SCAP: variants seen among roughly 807,000 people sequenced by gnomAD.
SCAP encodes SREBF chaperone.
Under a neutral mutation model 123.6 loss-of-function variants are expected in SCAP, and 65 were observed. The ratio of observed to expected loss-of-function variants is 0.53; its 90% confidence interval spans 0.43 to 0.65. SCAP has a LOEUF of 0.65. Among genes scored for constraint, SCAP ranks in the 30% least tolerant of loss-of-function variants. The pLI is 0.00. For missense variants in SCAP, 1,398 were observed against 1,712.5 expected (o/e 0.82, Z 3.24); for synonymous variants, 740 against 726.3 (o/e 1.02, Z -0.30).
intron 7 of SCAP, among the ~76,000 whole-genome samples, 173 bp from the exon 8 acceptor site, chr3:47,425,784 G>T (rs910828705): frequency 6.6e-6 from 1 of 152,218 alleles, no homozygotes; most frequent in African/African-American, 2.4e-5. Flanking sequence ...CACCTTTTAG[G>T]AACCCTAACC....
chr3:47,477,103 A>C (rs917525911), upstream of SCAP: 7 of 152,342 alleles, frequency 4.6e-5, no homozygotes, highest in Non-Finnish European at 7.3e-5. Context: ...ACCTCCTCCT[A>C]AAACCCAGTT....
At chr3:47,429,182 C>T (rs1706262117) in intron 3 of SCAP, among the ~76,000 whole-genome samples, 1 of 152,232 alleles carries the variant, frequency 6.6e-6, no homozygotes, top group Admixed American at 6.5e-5. Context: ...ACTCCGGTCT[C>T]CTAGGGAGTC....
At chr3:47,415,760 CTT>C (rs374000283) in intron 18 of SCAP, among the ~76,000 whole-genome samples, 1 of 152,170 alleles carries the variant, frequency 6.6e-6, no homozygotes, top group African/African-American at 2.4e-5. Context: ...GGTTCAAAAT[CTT>C]ACTGCAGGGA....
In SCAP at chr3:47,429,335, G is replaced by A. The variant is rs544280912; in HGVS notation, c.253-665C>T. Among the ~76,000 whole-genome samples the A allele has an allele frequency of 2.0e-5, 3 of 152,354 alleles. No homozygotes were observed. The East Asian group carries it at 5.8e-4, about 29-fold the overall frequency. On this transcript the variant is annotated intron_variant, in intron 3 of 22. Coordinates refer to ENST00000265565, the MANE Select transcript of SCAP (RefSeq NM_012235.4). ...GTGGGACCAGGTGTAGGCAAACGAT[G>A]GCCTGTAGGCCAAATCAGGGCCCAT...
intron 10 of SCAP, 128 bp from the exon 11 acceptor site, chr3:47,421,157 G>A (rs1431545900): frequency 4.1e-6 from 3 of 735,292 alleles, no homozygotes; most frequent in East Asian, 2.5e-5. Flanking sequence ...CAGCAGAGAT[G>A]AGAGATGCTG....
rs34363569 is a variant in SCAP, at chr3:47,472,460, A to AAATAATAAT, written c.-99+3330_-99+3338dup. On this transcript the variant is annotated intron_variant, in intron 1 of 22. Transcript: ENST00000265565. ...CGTCTCAAAAAAAAAAAATAAAATA[A>AAATAATAAT]AATAATAATAATAATAATAATAATT... Among the ~76,000 whole-genome samples, 449 of 145,700 alleles carry AAATAATAAT rather than the reference A, an allele frequency of 3.1e-3. 2 individuals are homozygous for AAATAATAAT. The highest frequency in any genetic ancestry group is 9.8e-3 in the African/African-American group (394 of 40,118).
chr3:47,432,725 T>C (rs911349508), intron 3 of SCAP, among the ~76,000 whole-genome samples: 2 of 152,228 alleles, frequency 1.3e-5, no homozygotes, highest in Non-Finnish European at 2.9e-5. Flanking sequence ...TTGCCCCAGC[T>C]GGACTGCAAT....
chr3:47,459,444 A>C (rs537652301), intron 1 of SCAP, among the ~76,000 whole-genome samples: 2 of 152,326 alleles, frequency 1.3e-5, no homozygotes, highest in African/African-American at 4.8e-5. Context: ...CCAATATTTC[A>C]ACATAGGTTC....
chr3:47,449,582 C>G (rs1272103421), intron 1 of SCAP, among the ~76,000 whole-genome samples: 1 of 124,278 alleles, frequency 8.0e-6, no homozygotes, highest in Non-Finnish European at 1.8e-5. Context: ...AAACAACACA[C>G]GAGATTTCTT....
chr3:47,459,743 T>A (rs1272572644), intron 1 of SCAP, among the ~76,000 whole-genome samples: 2 of 152,208 alleles, frequency 1.3e-5, no homozygotes, highest in African/African-American at 2.4e-5. Context: ...GATAAGGGTC[T>A]ATGTTCAGCT....
intron 10 of SCAP, among the ~76,000 whole-genome samples, chr3:47,421,781 GGGGGAAA>G (rs1473919276): frequency 0.011 from 1,690 of 152,358 alleles, 34 homozygotes; most frequent in African/African-American, 0.039. Flanking sequence ...TGCCAGCCCT[GGGGGAAA>G]GACGGGCGAG....
chr3:47,427,261 G>A lies in SCAP; in HGVS notation c.633C>T (p.Asp211=), dbSNP rs1306800523. 1 of 1,612,838 alleles carries A rather than the reference G, an allele frequency of 6.2e-7. No homozygotes were observed. The highest frequency in any genetic ancestry group is 8.5e-7 in the Non-Finnish European group (1 of 1,179,030). ...ACTTCCCAGGAACACCAAATAACAA[G>A]TCTGCAAGCAGAAACCAGCAGGTAC... The part of the protein sequence containing the change: ...KTLQTSATLK[D]LLFGVPGKYS... The change falls in exon 6 of 23, where the codon GAC becomes GAT. Residue 211 remains aspartate, a splice_region_variant and synonymous_variant. Coordinates refer to ENST00000265565, the MANE Select transcript of SCAP (RefSeq NM_012235.4).
intron 8 of SCAP, chr3:47,425,138 A>G (rs1450411673): frequency 4.5e-6 from 1 of 220,866 alleles, no homozygotes; most frequent in African/African-American, 2.3e-5. Context: ...TGGTGTGTGT[A>G]TATAGAATAC....
At chr3:47,470,021 A>C (rs1424709394) in intron 1 of SCAP, 4 of 329,148 alleles carry the variant, frequency 1.2e-5, no homozygotes, top group South Asian at 5.9e-5. Context: ...ATCGTTTGGC[A>C]TTCTTAGGTA....
Position 47,418,347 on chromosome 3 carries a change from GCACGAT to G in SCAP, c.2299_2304del (p.Ile767_Val768del). 6.4e-7 allele frequency: 1 copy of G among 1,569,642 alleles called. No homozygotes were observed. Among genetic ancestry groups the G allele is most frequent in the Non-Finnish European group, 8.6e-7 (1 of 1,158,674 alleles). On this transcript the variant is annotated inframe_deletion, in exon 15 of 23. Transcript: ENST00000265565. The stretch of plus-strand genomic sequence containing the variant: ...ATGAGGTGGCCGCGCAGCACAAGCG[GCACGAT>G]CTCCGTCTCGGGTGGCGCATAGCCG...
chr3:47,435,469 TACACACACACAC>T (rs57702290), intron 2 of SCAP, among the ~76,000 whole-genome samples: 21 of 91,910 alleles, frequency 2.3e-4, no homozygotes, highest in Admixed American at 4.2e-4. Flanking sequence ...AATATAAACA[TACACACACACAC>T]ACACACACAC....
chr3:47,427,766 T>C (rs1706201780), intron 4 of SCAP, 99 bp from the exon 5 acceptor site: 1 of 1,069,492 alleles, frequency 9.4e-7, no homozygotes, highest in African/African-American at 1.6e-5. Context: ...CAATGCCCCA[T>C]ATTTGCTCTC....
At chr3:47,425,446 G>A (rs776363104) in intron 8 of SCAP, 39 bp downstream of exon 8, 1 of 1,600,028 alleles carries the variant, frequency 6.2e-7, no homozygotes, top group African/African-American at 1.3e-5. Context: ...TCTGGCCTGA[G>A]CCCACCCTGT....
intron 20 of SCAP, 85 bp downstream of exon 20, chr3:47,414,742 T>C: frequency 1.2e-6 from 2 of 1,606,290 alleles, no homozygotes; most frequent in South Asian, 1.1e-5. Context: ...TCATCAGGAC[T>C]CTTCCAGCCT....
Sources: gnomAD v4.1 joint callset for allele counts (sites outside exome capture counted in the v4.1 genomes callset) on GRCh38, gnomAD v4.1.1 for gene constraint, MANE v1.5 for transcripts, NCBI Gene and HGNC (gene_info 2026-07-23, HGNC 2026-07-21) for gene names.